Variants in MRPS6 observed in about 807,000 individuals in gnomAD.
MRPS6 encodes small ribosomal subunit protein bS6m.
In MRPS6, 6 loss-of-function variants were observed where a neutral mutation model predicts 13.1. That is an observed-to-expected ratio of 0.46 (90% CI 0.25 to 0.91). MRPS6 has a LOEUF of 0.91. MRPS6 is among the 40% of genes least tolerant of loss of function. The probability of loss-of-function intolerance (pLI) is 0.18; values close to 1 mark genes in which losing one functional copy is unlikely to be tolerated. For missense variants in MRPS6, 164 were observed against 155.6 expected, an observed-to-expected ratio of 1.05 and a Z score of -0.29; for synonymous variants, 61 against 56.5, an observed-to-expected ratio of 1.08 and a Z score of -0.36.
intron 1 of MRPS6, chr21:34,103,714 C>T (rs1979351425): frequency 1.0e-6 from 1 of 999,880 alleles, no homozygotes; most frequent in Admixed American, 6.2e-5. Context: ...TATTGATAAG[C>T]CCAAGACAAT....
In MRPS6 at chr21:34,073,649, C is replaced by G. The variant is rs2148648947; in HGVS notation, c.-52C>G. On this transcript the variant is annotated 5_prime_UTR_variant, in exon 1 of 3. Transcript: ENST00000399312. ...CACTGTCCCCGCCGTCCCGCCCCTT[C>G]GCGTCCCGGGAACCGGCTGGCTTCC... The G allele has an allele frequency of 5.4e-6, 8 of 1,489,378 alleles. No homozygotes were observed. The highest frequency in any genetic ancestry group is 2.0e-4 in the Middle Eastern group (1 of 4,936). 92.3% of individuals were successfully genotyped at this position (1,489,378 alleles called of 1,614,324 possible).
At chr21:34,084,846 G>C (rs1325939984) in intron 1 of MRPS6, among the ~76,000 whole-genome samples, 1 of 151,872 alleles carries the variant, frequency 6.6e-6, no homozygotes, top group Non-Finnish European at 1.5e-5. Context: ...AAAAATTTCA[G>C]ACTTAAAGAG....
intron 1 of MRPS6, chr21:34,104,580 A>C: frequency 5.0e-6 from 5 of 999,580 alleles, no homozygotes; most frequent in Non-Finnish European, 6.0e-6. Flanking sequence ...GACTAATATG[A>C]GATGTTTTAG....
At chr21:34,131,864 G>C (rs1401585858) in intron 2 of MRPS6, among the ~76,000 whole-genome samples, 1 of 152,210 alleles carries the variant, frequency 6.6e-6, no homozygotes, top group Non-Finnish European at 1.5e-5. Flanking sequence ...GCAGCAGCTC[G>C]TACAGCCTCT....
At chr21:34,098,974 AT>A in intron 1 of MRPS6, 1 of 987,446 alleles carries the variant, frequency 1.0e-6, no homozygotes. Flanking sequence ...ACTTTTGTAG[AT>A]TTTGAATCAA....
intron 2 of MRPS6, among the ~76,000 whole-genome samples, chr21:34,140,030 C>T (rs182626946): frequency 8.5e-5 from 13 of 152,242 alleles, no homozygotes; most frequent in Non-Finnish European, 1.5e-5. Context: ...TTTTACTCAA[C>T]AGTCTGGCTA....
At chr21:34,127,477 A>G (rs926227809) in intron 2 of MRPS6, among the ~76,000 whole-genome samples, 2 of 152,236 alleles carry the variant, frequency 1.3e-5, no homozygotes, top group African/African-American at 2.4e-5. Context: ...AATGATGAGA[A>G]GCCCTTCAGT....
At chr21:34,080,281 C>T (rs1204967652) in intron 1 of MRPS6, among the ~76,000 whole-genome samples, 1 of 152,222 alleles carries the variant, frequency 6.6e-6, no homozygotes, top group Non-Finnish European at 1.5e-5. Flanking sequence ...CTGCATACTT[C>T]TCATTTTCAA....
intron 1 of MRPS6, among the ~76,000 whole-genome samples, chr21:34,078,249 C>T (rs1989380083): frequency 6.6e-6 from 1 of 151,978 alleles, no homozygotes; most frequent in Non-Finnish European, 1.5e-5. Context: ...AAATAGTTAC[C>T]TAGTAATGGA....
chr21:34,081,313 T>TC (rs1367086531), intron 1 of MRPS6, among the ~76,000 whole-genome samples: 2 of 152,180 alleles, frequency 1.3e-5, no homozygotes, highest in Non-Finnish European at 1.5e-5. Flanking sequence ...CAAGTGCTTG[T>TC]CATGACCCCT....
intron 2 of MRPS6, among the ~76,000 whole-genome samples, chr21:34,138,954 T>TAA: frequency 6.6e-6 from 1 of 151,752 alleles, no homozygotes; most frequent in East Asian, 1.9e-4. Context: ...CCAACAATGA[T>TAA]AGACTGGATT....
intron 2 of MRPS6, among the ~76,000 whole-genome samples, chr21:34,126,923 A>G (rs571589875): frequency 1.3e-5 from 2 of 151,566 alleles, no homozygotes; most frequent in Non-Finnish European, 2.9e-5. Context: ...GTGTTCACTC[A>G]GTTCATTTTC....
intron 1 of MRPS6, 110 bp downstream of exon 1, chr21:34,073,855 C>G (rs1989251315): frequency 1.7e-6 from 1 of 596,120 alleles, no homozygotes; most frequent in Non-Finnish European, 2.3e-6. Context: ...TCCTGCACTC[C>G]TCGGAGGAGG....
At chr21:34,117,325 A>G (rs145229139) in intron 1 of MRPS6, among the ~76,000 whole-genome samples, 170 of 152,128 alleles carry the variant, frequency 1.1e-3, no homozygotes, top group African/African-American at 3.7e-3. Context: ...GAGAGCACCC[A>G]AAGTGGCCCT....
intron 1 of MRPS6, chr21:34,102,766 C>G (rs561691078): frequency 2.0e-6 from 2 of 1,000,124 alleles, no homozygotes; most frequent in Admixed American, 1.2e-4. Flanking sequence ...TGGTTTTGCT[C>G]TATACCACTG....
intron 1 of MRPS6, among the ~76,000 whole-genome samples, chr21:34,075,384 T>C (rs1989302866): frequency 6.6e-6 from 1 of 152,250 alleles, no homozygotes; most frequent in African/African-American, 2.4e-5. Context: ...TGGCTGCAAG[T>C]ATTAAGTGTA....
chr21:34,100,487 C>T (rs963748437), intron 1 of MRPS6: 82 of 1,000,048 alleles, frequency 8.2e-5, no homozygotes, highest in Non-Finnish European at 8.9e-5. Flanking sequence ...CTGTGTCCTT[C>T]GGCCTAAATT....
chr21:34,111,248 T>C (rs16991230), intron 1 of MRPS6, among the ~76,000 whole-genome samples: 1,747 of 152,306 alleles, frequency 0.011, 38 homozygotes, highest in South Asian at 0.08. Context: ...GATTCCATGA[T>C]TAATGAGAAT....
At chr21:34,074,219 C>T (rs1184975869) in intron 1 of MRPS6, among the ~76,000 whole-genome samples, 1 of 151,044 alleles carries the variant, frequency 6.6e-6, no homozygotes, top group Non-Finnish European at 1.5e-5. Context: ...CCGACCGCCT[C>T]CGCTCTAGCG....
Sources: allele counts gnomAD v4.1 joint callset (sites outside exome capture counted in the v4.1 genomes callset), GRCh38; gene constraint gnomAD v4.1.1; transcripts MANE v1.5; gene names NCBI Gene and HGNC (gene_info 2026-07-23, HGNC 2026-07-21).